Variants in RIPOR2 observed in about 807,000 individuals in gnomAD.
RIPOR2 encodes RHO family interacting cell polarization regulator 2, also known as rho family-interacting cell polarization regulator 2.
In RIPOR2, 39 loss-of-function variants were observed where a neutral mutation model predicts 114.5. The observed-to-expected ratio is 0.34, with a 90% CI of 0.26 to 0.44. The LOEUF (loss-of-function observed/expected upper bound fraction) is 0.44. Ranked by LOEUF, RIPOR2 falls within the 20% of genes least tolerant of loss-of-function variation. RIPOR2 has a pLI of 1.00. For synonymous variants in RIPOR2, 445 were observed against 484.4 expected (o/e 0.92, Z 1.07); for missense variants, 1,007 against 1,255.1 (o/e 0.80, Z 2.99).
chr6:24,890,644 A>C (rs2113967634), intron 1 of RIPOR2, among the ~76,000 whole-genome samples: 1 of 148,304 alleles, frequency 6.7e-6, no homozygotes, highest in African/African-American at 2.4e-5. Context: ...CTTTGTACCC[A>C]ATAGATTTTT....
intron 13 of RIPOR2, 53 bp from the exon 14 acceptor site, chr6:24,839,325 C>G: frequency 6.7e-7 from 1 of 1,499,720 alleles, no homozygotes; most frequent in Non-Finnish European, 8.9e-7. Flanking sequence ...GAAAGAGAAA[C>G]CAGACACACG....
At chr6:24,933,529 CTG>C (rs1263572327) in intron 1 of RIPOR2, among the ~76,000 whole-genome samples, 2 of 152,194 alleles carry the variant, frequency 1.3e-5, no homozygotes. Flanking sequence ...GCTCTGAAAA[CTG>C]AATAAAAATA....
At chr6:24,892,182 AG>A (rs1767431508) in intron 1 of RIPOR2, among the ~76,000 whole-genome samples, 1 of 152,172 alleles carries the variant, frequency 6.6e-6, no homozygotes, top group Non-Finnish European at 1.5e-5. Flanking sequence ...TGAGGGTTGG[AG>A]ACTTTTCCCA....
At chr6:24,893,042 A>C (rs1406181884) in intron 1 of RIPOR2, among the ~76,000 whole-genome samples, 1 of 152,190 alleles carries the variant, frequency 6.6e-6, no homozygotes, top group African/African-American at 2.4e-5. Context: ...AAAAAAACCA[A>C]AACAAAACAA....
Position 24,804,622 on chromosome 6 carries a change from A to G in RIPOR2, c.*1751T>C, listed in dbSNP as rs769251593. ...ATATATAATATTTATAAATATACAG[A>G]TATGTACACGATAAGTTCACAGTTG... On this transcript the variant is annotated 3_prime_UTR_variant, in exon 22 of 22. Transcript: ENST00000643898. 1.1e-4 allele frequency: 17 copies of G among 152,168 alleles called. No individual in the cohort carries two copies. The highest frequency in any genetic ancestry group is 1.3e-4 in the Admixed American group (2 of 15,276). The allele number at this position is 152,168 out of a possible 1,614,324, so 9.4% of individuals were successfully genotyped here.
At chr6:24,954,453 CTCCTTTTT>C (rs747873287) in intron 1 of RIPOR2, among the ~76,000 whole-genome samples, 2 of 8,564 alleles carry the variant, frequency 2.3e-4, no homozygotes, top group Non-Finnish European at 6.2e-4. Flanking sequence ...CAGTCTCTCT[CTCCTTTTT>C]TTTTTTTTTT....
At chr6:24,853,027 T>C (rs1763115985) in intron 8 of RIPOR2, among the ~76,000 whole-genome samples, 2 of 152,224 alleles carry the variant, frequency 1.3e-5, no homozygotes, top group African/African-American at 4.8e-5. Context: ...TGTGTGATTT[T>C]TAAGTGCCTC....
intron 13 of RIPOR2, chr6:24,840,433 C>T: frequency 3.1e-6 from 4 of 1,271,226 alleles, no homozygotes; most frequent in South Asian, 3.2e-5. Flanking sequence ...TGGCCACATG[C>T]AGAAACATTA....
At chr6:24,879,052 A>G (rs1399653568) in intron 1 of RIPOR2, among the ~76,000 whole-genome samples, 1 of 138,760 alleles carries the variant, frequency 7.2e-6, no homozygotes, top group Non-Finnish European at 1.5e-5. Flanking sequence ...TTTTCATTAA[A>G]TGTATGGTTG....
chr6:24,838,128 T>C (rs1581539823), intron 14 of RIPOR2, among the ~76,000 whole-genome samples: 1 of 152,226 alleles, frequency 6.6e-6, no homozygotes, highest in African/African-American at 2.4e-5. Flanking sequence ...ACGGTGAAGG[T>C]GACAATGTTT....
chr6:24,820,153 C>T (rs1410107801), intron 19 of RIPOR2, among the ~76,000 whole-genome samples: 1 of 152,160 alleles, frequency 6.6e-6, no homozygotes, highest in Non-Finnish European at 1.5e-5. Context: ...CTGCCTCAGC[C>T]TCCCTAGTAG....
At chr6:24,987,104 G>A (rs1367483104) in intron 1 of RIPOR2, among the ~76,000 whole-genome samples, 1 of 152,172 alleles carries the variant, frequency 6.6e-6, no homozygotes, top group Non-Finnish European at 1.5e-5. Context: ...TTCAGCTCAG[G>A]ATAAAGGAGA....
chr6:24,870,648 A>G (rs1765067366), intron 5 of RIPOR2, among the ~76,000 whole-genome samples: 1 of 152,168 alleles, frequency 6.6e-6, no homozygotes, highest in Admixed American at 6.5e-5. Context: ...CTGGGACCAC[A>G]GGCACACACT....
Position 24,973,343 on chromosome 6 carries a change from C to T in RIPOR2, c.76+68508G>A, listed in dbSNP as rs571520004. ...CTAGGCTGGGCTTGGTGGCTTATGC[C>T]TGTAATCCCAGCACTTTGGGAGGCT... On this transcript the variant is annotated intron_variant, in intron 1 of 13. Coordinates refer to the RIPOR2 transcript ENST00000510784. 9.2e-5 allele frequency among the ~76,000 whole-genome samples: 14 copies of T among 152,254 alleles called. No individual in the cohort carries two copies. In the South Asian group the frequency reaches 2.1e-3, roughly 23 times the overall value.
intron 1 of RIPOR2, among the ~76,000 whole-genome samples, chr6:24,913,524 C>G (rs1769831164): frequency 1.3e-5 from 2 of 152,256 alleles, no homozygotes; most frequent in South Asian, 4.1e-4. Flanking sequence ...GACTGAGGGA[C>G]CAGGCAGCAC....
intron 1 of RIPOR2, among the ~76,000 whole-genome samples, chr6:24,983,483 G>A (rs187120087): frequency 2.6e-5 from 4 of 152,168 alleles, no homozygotes; most frequent in East Asian, 1.9e-4. Flanking sequence ...GAGGCCAGGC[G>A]CGGTGGCTTA....
chr6:24,819,051 T>C (rs1759429924), intron 19 of RIPOR2, among the ~76,000 whole-genome samples: 1 of 151,994 alleles, frequency 6.6e-6, no homozygotes, highest in South Asian at 2.1e-4. Flanking sequence ...TCCTGCCCCT[T>C]GTCTCATGTG....
intron 1 of RIPOR2, among the ~76,000 whole-genome samples, chr6:25,001,968 G>A (rs1050367414): frequency 4.0e-5 from 6 of 151,682 alleles, no homozygotes; most frequent in South Asian, 2.1e-4. Flanking sequence ...TCAGCCTCCC[G>A]AAGTGCTGGC....
chr6:24,977,804 A>G (rs1448006966), intron 1 of RIPOR2, among the ~76,000 whole-genome samples: 4 of 152,162 alleles, frequency 2.6e-5, no homozygotes, highest in African/African-American at 9.7e-5. Context: ...AGAATTTCCA[A>G]AAAAGTTGTA....
Sources: gnomAD v4.1 joint callset for allele counts (sites outside exome capture counted in the v4.1 genomes callset) on GRCh38, gnomAD v4.1.1 for gene constraint, MANE v1.5 for transcripts, NCBI Gene and HGNC (gene_info 2026-07-23, HGNC 2026-07-21) for gene names.